SMCO1: variants seen among roughly 807,000 people sequenced by gnomAD.
SMCO1 encodes the protein single-pass membrane and coiled-coil domain-containing protein 1.
In SMCO1, 9 loss-of-function variants were observed where a neutral mutation model predicts 7.5. That is an observed-to-expected ratio of 1.20 (90% CI 0.72 to 2.09). SMCO1 has a LOEUF of 2.09. Ranked by LOEUF, SMCO1 falls within the 30% of genes most tolerant of loss-of-function variation. The pLI is 0.00. For missense variants in SMCO1, 219 were observed against 253.1 expected (o/e 0.87, Z 0.91); for synonymous variants, 90 against 93.8 (o/e 0.96, Z 0.23).
At position 196,506,991 on chromosome 3, in the gene SMCO1, GAA is replaced by G. The variant is rs1203834043; in HGVS notation, c.*894_*895del. 6.6e-6 allele frequency: 1 copy of G among 152,238 alleles called. No homozygotes were observed. The highest frequency in any genetic ancestry group is 1.5e-5 in the Non-Finnish European group (1 of 68,062). 9.4% of individuals were successfully genotyped at this position (152,238 alleles called of 1,614,324 possible). Reference sequence around the variant, plus strand: ...TGAGTCTATGGGTTTTTGTGGGCTAGAAATGGGCAAGTGCATGCTGATTGGTC... The same window carrying G: ...TGAGTCTATGGGTTTTTGTGGGCTAGATGGGCAAGTGCATGCTGATTGGTC... On this transcript the variant is annotated 3_prime_UTR_variant, in exon 3 of 3. Transcript: ENST00000397537.
At chr3:196,515,487 C>G (rs958894667), upstream of SMCO1, 4 of 420,236 alleles carry the variant, frequency 9.5e-6, no homozygotes, top group Admixed American at 1.2e-4. Context: ...CATTAACATA[C>G]AGCAACAACC....
intron 2 of SMCO1, among the ~76,000 whole-genome samples, chr3:196,509,207 A>G (rs11914954): frequency 0.094 from 12,583 of 133,828 alleles, 1,962 homozygotes; most frequent in African/African-American, 0.33. Flanking sequence ...CTGCCACCAC[A>G]CCCGGCTAAT....
intron 2 of SMCO1, among the ~76,000 whole-genome samples, chr3:196,509,216 ATTT>A (rs35933912): frequency 0.03 from 3,270 of 108,040 alleles, 110 homozygotes; most frequent in African/African-American, 0.11. Context: ...CACCCGGCTA[ATTT>A]TTTTTTTTTT....
chr3:196,515,321 A>T lies in SMCO1; in HGVS notation c.-112T>A. On this transcript the variant is annotated 5_prime_UTR_variant, in exon 1 of 3. Transcript: ENST00000397537. ...CCTCTCAGCAACAGGCAGCAGTAGC[A>T]GGAGCGCTCAGTCTACATTCTGCCT... 1 of 765,266 alleles carries T rather than the reference A, an allele frequency of 1.3e-6. No homozygotes were observed. The highest frequency in any genetic ancestry group is 1.5e-5 in the South Asian group (1 of 66,684). The allele number at this position is 765,266 out of a possible 1,614,324, so 47.4% of individuals were successfully genotyped here. A position where few individuals can be genotyped will look rare whatever the true frequency, so the allele number is the denominator to read the frequency against.
intron 1 of SMCO1, 89 bp downstream of exon 1, chr3:196,515,071 G>A (rs1364366838): frequency 6.8e-7 from 1 of 1,465,450 alleles, no homozygotes; most frequent in Non-Finnish European, 9.6e-7. Flanking sequence ...CATGTCTGCA[G>A]TTCTTTATTT....
At chr3:196,510,447 TCGGCAGGAAAGTCAAGGG>T (rs1423117369) in intron 1 of SMCO1, among the ~76,000 whole-genome samples, 2 of 152,140 alleles carry the variant, frequency 1.3e-5, no homozygotes, top group Non-Finnish European at 2.9e-5. Flanking sequence ...CTGGATCTCC[TCGGCAGGAAAGTCAAGGG>T]CCTTCACCCT....
chr3:196,517,726 G>A (rs1401388104), upstream of SMCO1, among the ~76,000 whole-genome samples: 1 of 152,088 alleles, frequency 6.6e-6, no homozygotes, highest in Non-Finnish European at 1.5e-5. Context: ...CTGGAGTGCA[G>A]TGGCATGATC....
the SMCO1 span, among the ~76,000 whole-genome samples, chr3:196,520,578 C>A: frequency 6.6e-6 from 1 of 152,184 alleles, no homozygotes; most frequent in African/African-American, 2.4e-5. Flanking sequence ...GCTTCATGTT[C>A]CCTTCTCATT....
Position 196,512,556 on chromosome 3 carries a change from G to A in SMCO1, c.50+2604C>T, listed in dbSNP as rs569370794. Among the ~76,000 whole-genome samples, 6 of 136,352 alleles carry A rather than the reference G, an allele frequency of 4.4e-5. No homozygotes were observed. The East Asian group carries it at 1.2e-3, about 28-fold the overall frequency. The allele number at this position is 136,352 out of a possible 152,430, so 89.5% of individuals were successfully genotyped here. A position where few individuals can be genotyped will look rare whatever the true frequency, so the allele number is the denominator to read the frequency against. ...GAGATGGAGTCTTGCTCTGTCGCCA[G>A]GCTGGAGTACAGTGGCACGATCCTG... On this transcript the variant is annotated intron_variant, in intron 1 of 2. Coordinates refer to ENST00000397537, the MANE Select transcript of SMCO1 (RefSeq NM_001077657.3).
upstream of SMCO1, among the ~76,000 whole-genome samples, chr3:196,517,312 G>A (rs1733412176): frequency 6.6e-6 from 1 of 151,962 alleles, no homozygotes; most frequent in Admixed American, 6.6e-5. Context: ...GATTTAGGGT[G>A]GTGCAACTAG....
upstream of SMCO1, among the ~76,000 whole-genome samples, chr3:196,519,907 G>C (rs1479173014): frequency 6.6e-6 from 1 of 152,010 alleles, no homozygotes; most frequent in Non-Finnish European, 1.5e-5. Context: ...AAGGTGCCAG[G>C]ACCCAGGAAC....
intron 1 of SMCO1, among the ~76,000 whole-genome samples, chr3:196,512,669 G>A (rs1381652551): frequency 6.6e-6 from 1 of 151,544 alleles, no homozygotes; most frequent in African/African-American, 2.4e-5. Context: ...CACCACATCC[G>A]GCTAATTTTT....
intron 1 of SMCO1, 86 bp downstream of exon 1, chr3:196,515,074 C>A (rs1459908332): frequency 1.1e-5 from 17 of 1,490,010 alleles, no homozygotes; most frequent in Non-Finnish European, 1.6e-5. Flanking sequence ...GTCTGCAGTT[C>A]TTTATTTCTA....
At position 196,507,848 on chromosome 3, in the gene SMCO1, A is replaced by T. The variant is rs1353356818; in HGVS notation, c.*39T>A. On this transcript the variant is annotated 3_prime_UTR_variant, in exon 3 of 3. Transcript: ENST00000397537. ...ATACTTTTTGCTGTTTCCAAGATAA[A>T]TTACTGTAGGTGGAATCACTGGGTC... 2 of 1,330,876 alleles carry T rather than the reference A, an allele frequency of 1.5e-6. No homozygotes were observed. Among genetic ancestry groups the T allele is most frequent in the Admixed American group, 4.5e-5 (2 of 44,694 alleles). The allele number at this position is 1,330,876 out of a possible 1,614,324, so 82.4% of individuals were successfully genotyped here.
At chr3:196,517,104 C>CAAAAAAAAAAAA (rs56104987), upstream of SMCO1, among the ~76,000 whole-genome samples, 29 of 35,740 alleles carry the variant, frequency 8.1e-4, 3 homozygotes, top group African/African-American at 4.1e-3. Flanking sequence ...GACTCCATCG[C>CAAAAAAAAAAAA]AAAAAAAAAA....
chr3:196,519,407 A>G (rs796192220), upstream of SMCO1, among the ~76,000 whole-genome samples: 1 of 152,062 alleles, frequency 6.6e-6, no homozygotes, highest in African/African-American at 2.4e-5. Context: ...CAATTTTTCC[A>G]TTTTGCAGCT....
upstream of SMCO1, among the ~76,000 whole-genome samples, chr3:196,515,821 C>T (rs1733368592): frequency 6.6e-6 from 1 of 150,390 alleles, no homozygotes; most frequent in African/African-American, 2.4e-5. Context: ...GGCCACAGAG[C>T]GAGACTGTCT....
chr3:196,515,948 A>G (rs1484804440), upstream of SMCO1, among the ~76,000 whole-genome samples: 1 of 131,054 alleles, frequency 7.6e-6, no homozygotes, highest in East Asian at 2.3e-4. Flanking sequence ...GCAGTGAGCT[A>G]TGATCATGCC....
upstream of SMCO1, among the ~76,000 whole-genome samples, chr3:196,518,581 C>T (rs956863428): frequency 6.6e-6 from 1 of 152,094 alleles, no homozygotes; most frequent in African/African-American, 2.4e-5. Context: ...TCCCAAAGTG[C>T]TGGAGACAAA....
Sources: gnomAD v4.1 joint callset for allele counts (sites outside exome capture counted in the v4.1 genomes callset) on GRCh38, gnomAD v4.1.1 for gene constraint, MANE v1.5 for transcripts, NCBI Gene and HGNC (gene_info 2026-07-23, HGNC 2026-07-21) for gene names.